Variants in ADK observed in about 807,000 individuals in gnomAD.
The protein encoded by ADK is N6,N6-dimethyladenosine kinase.
Under a neutral mutation model 44.7 loss-of-function variants are expected in ADK, and 24 were observed. That is an observed-to-expected ratio of 0.54 (90% CI 0.39 to 0.76). The LOEUF is 0.76. Ranked by LOEUF, ADK falls within the 30% of genes least tolerant of loss-of-function variation. ADK has a pLI of 0.00. For missense variants in ADK, 321 were observed against 425.1 expected (o/e 0.76, Z 2.15); for synonymous variants, 128 against 142.6 (o/e 0.90, Z 0.73).
intron 4 of ADK, among the ~76,000 whole-genome samples, chr10:74,332,356 A>G (rs1352823249): frequency 6.6e-6 from 1 of 152,190 alleles, no homozygotes; most frequent in Non-Finnish European, 1.5e-5. Flanking sequence ...TTCTATGTCT[A>G]GCCATAGCTA....
At chr10:74,239,453 T>C (rs1845109210) in intron 3 of ADK, among the ~76,000 whole-genome samples, 1 of 152,070 alleles carries the variant, frequency 6.6e-6, no homozygotes, top group Non-Finnish European at 1.5e-5. Flanking sequence ...CTCATGCCTG[T>C]AATCCCACCA....
intron 1 of ADK, among the ~76,000 whole-genome samples, chr10:74,197,230 G>A (rs774070304): frequency 5.9e-5 from 9 of 152,176 alleles, no homozygotes; most frequent in African/African-American, 1.7e-4. Context: ...TGGGGTAAAA[G>A]AGGGAGGATA....
chr10:74,434,590 A>G (rs1274159124), intron 6 of ADK, among the ~76,000 whole-genome samples: 1 of 152,186 alleles, frequency 6.6e-6, no homozygotes, highest in Non-Finnish European at 1.5e-5. Flanking sequence ...CAAAATGTGG[A>G]TTGGTATTTC....
chr10:74,293,857 GC>G (rs1839716068), intron 3 of ADK, among the ~76,000 whole-genome samples: 1 of 152,142 alleles, frequency 6.6e-6, no homozygotes, highest in Non-Finnish European at 1.5e-5. Context: ...AAGAATTACT[GC>G]AAAGTAAACA....
At chr10:74,299,682 A>G (rs1202431881) in intron 3 of ADK, among the ~76,000 whole-genome samples, 1 of 151,632 alleles carries the variant, frequency 6.6e-6, no homozygotes, top group Non-Finnish European at 1.5e-5. Context: ...TTGTGAAACT[A>G]TAAGGTTGTA....
intron 3 of ADK, among the ~76,000 whole-genome samples, chr10:74,312,405 A>T (rs1840465615): frequency 6.7e-6 from 1 of 150,286 alleles, no homozygotes; most frequent in Admixed American, 6.6e-5. Flanking sequence ...TAACCTGGGT[A>T]GTGGTTACAC....
At chr10:74,476,697 A>G (rs1846860795) in intron 6 of ADK, among the ~76,000 whole-genome samples, 1 of 152,176 alleles carries the variant, frequency 6.6e-6, no homozygotes, top group African/African-American at 2.4e-5. Flanking sequence ...AATTTATCAC[A>G]GTTTGCATTC....
At chr10:74,635,959 A>G (rs2134081221) in intron 9 of ADK, among the ~76,000 whole-genome samples, 1 of 151,892 alleles carries the variant, frequency 6.6e-6, no homozygotes, top group East Asian at 1.9e-4. Context: ...GCAGTGGCAC[A>G]TGCCTGTAGT....
intron 3 of ADK, among the ~76,000 whole-genome samples, chr10:74,308,329 T>C (rs75140351): frequency 0.013 from 1,973 of 152,304 alleles, 43 homozygotes; most frequent in African/African-American, 0.045. Context: ...TTACAATCCT[T>C]ATGAACTAAT....
At chr10:74,682,821 G>A (rs776261858) in intron 10 of ADK, among the ~76,000 whole-genome samples, 15 of 151,984 alleles carry the variant, frequency 9.9e-5, no homozygotes, top group South Asian at 2.1e-4. Context: ...TGATCCACCC[G>A]CCTTGGCCTC....
chr10:74,406,532 G>T (rs56045201), intron 6 of ADK, among the ~76,000 whole-genome samples: 12,419 of 43,316 alleles, frequency 0.29, 644 homozygotes, highest in Middle Eastern at 0.38. Context: ...ATAATAAGAA[G>T]AAGAAGAAGA....
At position 74,415,124 on chromosome 10, in the gene ADK, A is replaced by T. The variant is rs1023157580; in HGVS notation, c.555+16545A>T. Among the ~76,000 whole-genome samples the T allele has an allele frequency of 2.0e-4, 30 of 152,336 alleles. 1 individual carries two copies. Among genetic ancestry groups the T allele is most frequent in the African/African-American group, 7.2e-4 (30 of 41,580 alleles). The stretch of plus-strand genomic sequence containing the variant: ...CACTGTAACAAAGTCTGGGAATTTT[A>T]TGTGAGATTGGAAACCACACTATGT... On this transcript the variant is annotated intron_variant, in intron 6 of 10. Transcript: ENST00000539909.
chr10:74,509,836 G>T (rs1274083011), intron 6 of ADK, among the ~76,000 whole-genome samples: 2 of 151,838 alleles, frequency 1.3e-5, no homozygotes, highest in Non-Finnish European at 2.9e-5. Context: ...AACATACCAT[G>T]TTTAACTTTC....
intron 6 of ADK, among the ~76,000 whole-genome samples, chr10:74,461,152 T>C (rs563555768): frequency 3.9e-5 from 6 of 152,144 alleles, no homozygotes; most frequent in Non-Finnish European, 7.4e-5. Context: ...TAGAATTTTT[T>C]TTTTTTAAAC....
intron 9 of ADK, among the ~76,000 whole-genome samples, chr10:74,617,829 C>A (rs12358427): frequency 6.6e-6 from 1 of 152,118 alleles, no homozygotes; most frequent in Non-Finnish European, 1.5e-5. Context: ...TGGGCTCAAG[C>A]AATTCACCCA....
chr10:74,475,162 CAAAA>C (rs1156485273), intron 6 of ADK, among the ~76,000 whole-genome samples: 1 of 151,534 alleles, frequency 6.6e-6, no homozygotes, highest in Non-Finnish European at 1.5e-5. Context: ...AAAAACAAAA[CAAAA>C]AACCCTTAAT....
At chr10:74,279,152 G>A (rs1322653456) in intron 3 of ADK, among the ~76,000 whole-genome samples, 4 of 151,958 alleles carry the variant, frequency 2.6e-5, no homozygotes, top group African/African-American at 9.7e-5. Flanking sequence ...AGTGGTGGGC[G>A]CCTGTAATCC....
At chr10:74,325,559 C>T (rs1223898751) in intron 4 of ADK, among the ~76,000 whole-genome samples, 1 of 152,064 alleles carries the variant, frequency 6.6e-6, no homozygotes, top group Non-Finnish European at 1.5e-5. Flanking sequence ...TTGTCTTGTT[C>T]CAGATTTCAG....
At chr10:74,197,732 C>G in intron 1 of ADK, among the ~76,000 whole-genome samples, 1 of 149,482 alleles carries the variant, frequency 6.7e-6, no homozygotes, top group Non-Finnish European at 1.5e-5. Flanking sequence ...AGAACTGAGA[C>G]TCAGAAGTGA....
Sources: gnomAD v4.1 joint callset for allele counts (sites outside exome capture counted in the v4.1 genomes callset) on GRCh38, gnomAD v4.1.1 for gene constraint, MANE v1.5 for transcripts, NCBI Gene and HGNC (gene_info 2026-07-23, HGNC 2026-07-21) for gene names.